Variants in NELL1 observed in about 807,000 individuals in gnomAD.
NELL1 encodes protein kinase C-binding protein NELL1.
A neutral mutation model predicts 107.4 loss-of-function variants in NELL1; 76 were observed. The observed-to-expected ratio is 0.71, with a 90% CI of 0.59 to 0.86. NELL1 has a LOEUF of 0.86. NELL1 is among the 40% of genes least tolerant of loss of function. The pLI is 0.00. For synonymous variants in NELL1, 353 were observed against 341.2 expected (o/e 1.03, Z -0.38); for missense variants, 1,024 against 1,005.5 (o/e 1.02, Z -0.25).
At chr11:21,431,999 T>G (rs77701429) in intron 15 of NELL1, among the ~76,000 whole-genome samples, 1 of 152,282 alleles carries the variant, frequency 6.6e-6, no homozygotes, top group Non-Finnish European at 1.5e-5. Context: ...TAATCTTGCT[T>G]CTTCTGTGTA....
At chr11:20,965,659 T>C (rs1343012521) in intron 12 of NELL1, among the ~76,000 whole-genome samples, 2 of 152,228 alleles carry the variant, frequency 1.3e-5, no homozygotes, top group Admixed American at 6.5e-5. Context: ...TTTAGTAATT[T>C]CATGTAACAA....
chr11:21,076,183 C>T (rs926964846), intron 12 of NELL1, among the ~76,000 whole-genome samples: 3 of 152,182 alleles, frequency 2.0e-5, no homozygotes, highest in Non-Finnish European at 4.4e-5. Context: ...AGGCTCAACG[C>T]CTTCAGTGTT....
intron 15 of NELL1, among the ~76,000 whole-genome samples, chr11:21,455,450 G>A (rs1487254993): frequency 1.3e-5 from 2 of 151,166 alleles, no homozygotes; most frequent in East Asian, 3.9e-4. Context: ...TCCTGCTTCA[G>A]CCTCCCAAGT....
At chr11:20,849,941 A>C (rs1359477629) in intron 4 of NELL1, among the ~76,000 whole-genome samples, 2 of 152,162 alleles carry the variant, frequency 1.3e-5, no homozygotes, top group African/African-American at 4.8e-5. Context: ...ATTTTTAACA[A>C]GCCCTCCATA....
chr11:21,569,456 A>G (rs1202486962), intron 17 of NELL1, among the ~76,000 whole-genome samples: 1 of 64,700 alleles, frequency 1.5e-5, no homozygotes. Context: ...ATGGTAGAAT[A>G]TGATGATGAT....
At chr11:21,522,989 C>T (rs376968341) in intron 15 of NELL1, among the ~76,000 whole-genome samples, 111 of 151,472 alleles carry the variant, frequency 7.3e-4, no homozygotes, top group African/African-American at 2.5e-3. Flanking sequence ...GGACTACAGG[C>T]GCCCACCACC....
intron 3 of NELL1, among the ~76,000 whole-genome samples, chr11:20,796,787 G>A (rs114937924): frequency 1.3e-5 from 2 of 152,176 alleles, no homozygotes; most frequent in Non-Finnish European, 1.5e-5. Context: ...ACACTGCCAA[G>A]TATTGTTAGT....
intron 5 of NELL1, among the ~76,000 whole-genome samples, chr11:20,897,870 A>G (rs995796917): frequency 1.3e-5 from 2 of 152,200 alleles, no homozygotes; most frequent in Non-Finnish European, 2.9e-5. Flanking sequence ...ACAATGAGAT[A>G]CCATCTCACA....
intron 14 of NELL1, among the ~76,000 whole-genome samples, chr11:21,337,617 T>C (rs1013405381): frequency 1.7e-4 from 26 of 152,176 alleles, no homozygotes; most frequent in African/African-American, 6.0e-4. Flanking sequence ...CTGAGAAATA[T>C]GTAAAAGAAC....
At chr11:21,037,252 AATTT>A (rs1217721035) in intron 12 of NELL1, among the ~76,000 whole-genome samples, 2 of 152,124 alleles carry the variant, frequency 1.3e-5, no homozygotes, top group African/African-American at 4.8e-5. Flanking sequence ...TAAAAATGTG[AATTT>A]ACCCACCTTA....
chr11:20,958,173 T>C lies in NELL1; in HGVS notation c.1172-2259T>C, dbSNP rs370943994. Among the ~76,000 whole-genome samples, 14 of 152,232 alleles carry C rather than the reference T, an allele frequency of 9.2e-5. 1 individual carries two copies. In the South Asian group the frequency reaches 2.9e-3, roughly 32 times the overall value. On this transcript the variant is annotated intron_variant, in intron 11 of 19. Coordinates refer to ENST00000357134, the MANE Select transcript of NELL1 (RefSeq NM_006157.5). ...TGGCTCATGCCTGTAATCTCAGGAC[T>C]TTGGGAGGCCGAGGTGGGGAAATCG...
At chr11:21,005,641 G>T (rs946985843) in intron 12 of NELL1, among the ~76,000 whole-genome samples, 1 of 152,118 alleles carries the variant, frequency 6.6e-6, no homozygotes, top group South Asian at 2.1e-4. Context: ...ACACAGTTTT[G>T]CAGCCTGAGG....
At chr11:21,304,742 C>G (rs1003419816) in intron 14 of NELL1, among the ~76,000 whole-genome samples, 2 of 151,840 alleles carry the variant, frequency 1.3e-5, no homozygotes, top group African/African-American at 2.4e-5. Context: ...TATTCTGTAT[C>G]ATCGACTTAA....
At chr11:21,432,067 A>G (rs1852981250) in intron 15 of NELL1, among the ~76,000 whole-genome samples, 1 of 152,220 alleles carries the variant, frequency 6.6e-6, no homozygotes, top group Non-Finnish European at 1.5e-5. Flanking sequence ...TATAGCATAT[A>G]GCAAACTCTC....
At chr11:21,187,105 T>A (rs1856950789) in intron 13 of NELL1, among the ~76,000 whole-genome samples, 1 of 151,886 alleles carries the variant, frequency 6.6e-6, no homozygotes. Context: ...GAAATATAAT[T>A]TAAAAGTCTT....
At chr11:21,194,646 C>T (rs536098790) in intron 13 of NELL1, among the ~76,000 whole-genome samples, 2 of 152,296 alleles carry the variant, frequency 1.3e-5, no homozygotes, top group South Asian at 4.2e-4. Context: ...TCCAAATCCT[C>T]AGGCCCTAAG....
Position 21,575,006 on chromosome 11 carries a change from G to A in NELL1, c.2417G>A (p.Cys806Tyr). 6.2e-7 allele frequency: 1 copy of A among 1,610,368 alleles called. No individual in the cohort carries two copies. Among genetic ancestry groups the A allele is most frequent in the African/African-American group, 1.3e-5 (1 of 74,852 alleles). The change falls in exon 20 of 20, where the codon TGT becomes TAT. Residue 806 changes from cysteine (C) to tyrosine (Y), a missense_variant. Cys to Tyr is a radical substitution (Grantham distance 194, BLOSUM62 -2). Coordinates refer to ENST00000357134, the MANE Select transcript of NELL1 (RefSeq NM_006157.5). ...GTCTGTTGTTCTGTGGATTTTGAGTGTCTTCAAAATAATTGAAGTATTTAC... is the reference window on the plus strand; with the variant it reads ...GTCTGTTGTTCTGTGGATTTTGAGTATCTTCAAAATAATTGAAGTATTTAC... ...GRVCCSVDFE[C>Y]LQNN
chr11:21,220,857 T>C (rs555408446), intron 13 of NELL1, among the ~76,000 whole-genome samples: 3 of 152,328 alleles, frequency 2.0e-5, no homozygotes, highest in Admixed American at 1.3e-4. Context: ...GGATTCCCTT[T>C]ATTTATTTCC....
chr11:21,065,074 T>C (rs1853835720), intron 12 of NELL1, among the ~76,000 whole-genome samples: 1 of 152,176 alleles, frequency 6.6e-6, no homozygotes, highest in African/African-American at 2.4e-5. Context: ...GATTATGTCA[T>C]CTTCTTTTTG....
Sources: allele counts gnomAD v4.1 joint callset (sites outside exome capture counted in the v4.1 genomes callset), GRCh38; gene constraint gnomAD v4.1.1; transcripts MANE v1.5; gene names NCBI Gene and HGNC (gene_info 2026-07-23, HGNC 2026-07-21).